BAIAP2: variants seen among roughly 807,000 people sequenced by gnomAD.
The protein encoded by BAIAP2 is BAR/IMD domain containing adaptor protein 2.
Under a neutral mutation model 63.0 loss-of-function variants are expected in BAIAP2, and 18 were observed. The observed-to-expected ratio is 0.29, with a 90% CI of 0.20 to 0.42. BAIAP2 has a LOEUF of 0.42. Among genes scored for constraint, BAIAP2 ranks in the 10% least tolerant of loss-of-function variants. The pLI is 1.00. For synonymous variants in BAIAP2, 386 were observed against 307.6 expected, an observed-to-expected ratio of 1.25 and a Z score of -2.67; for missense variants, 610 against 734.3, an observed-to-expected ratio of 0.83 and a Z score of 1.96.
rs1257554280 is a variant in BAIAP2, at chr17:81,036,930, G to A, written c.54+1622G>A. On this transcript the variant is annotated intron_variant, in intron 1 of 13. Coordinates refer to ENST00000428708, the MANE Select transcript of BAIAP2 (RefSeq NM_001144888.2). ...TCTCCTTCTGCGCTGAAACCAGAAA[G>A]CAGGAACTTTCGTGGTGAGAGTTGG... The A allele has an allele frequency of 5.2e-6, 8 of 1,535,944 alleles. No individual in the cohort carries two copies. The South Asian group carries it at 7.1e-5, about 14-fold the overall frequency.
At chr17:81,069,618 A>T (rs2052194535) in intron 3 of BAIAP2, among the ~76,000 whole-genome samples, 1 of 152,146 alleles carries the variant, frequency 6.6e-6, no homozygotes, top group Admixed American at 6.5e-5. Context: ...CGGGAGGTGT[A>T]GTCTGCGAGG....
At chr17:81,082,079 C>T (rs1407034856) in intron 3 of BAIAP2, among the ~76,000 whole-genome samples, 2 of 152,110 alleles carry the variant, frequency 1.3e-5, no homozygotes, top group East Asian at 1.9e-4. Context: ...CCGGGGCCAG[C>T]GTGGTCCTGG....
intron 3 of BAIAP2, among the ~76,000 whole-genome samples, chr17:81,075,188 C>G (rs998352532): frequency 8.5e-5 from 13 of 152,214 alleles, no homozygotes; most frequent in Admixed American, 7.2e-4. Context: ...GGGGAAACTT[C>G]CTGGTGCCTG....
rs2047818192 is a variant in BAIAP2, at chr17:81,046,446, C to T, written c.55-7222C>T. On this transcript the variant is annotated intron_variant, in intron 1 of 13. Transcript: ENST00000428708. This position sits in a 1 kb window ranked among gnomAD's most constrained non-coding sequence, Gnocchi z 4.5. The stretch of plus-strand genomic sequence containing the variant: ...AAGTGTTTAGAGGGGACAGGACTGT[C>T]CACACCACTCCAGCCAGGCTTCCTT... 6.6e-6 allele frequency among the ~76,000 whole-genome samples: 1 copy of T among 152,128 alleles called. No individual in the cohort carries two copies. Among genetic ancestry groups the T allele is most frequent in the South Asian group, 2.1e-4 (1 of 4,824 alleles).
intron 1 of BAIAP2, among the ~76,000 whole-genome samples, chr17:81,052,183 G>A (rs547417021): frequency 6.6e-6 from 1 of 152,282 alleles, no homozygotes; most frequent in East Asian, 1.9e-4. Context: ...CGGGGCCTTT[G>A]CCCTGCCCTG....
chr17:81,101,127 C>T (rs1027287701), intron 7 of BAIAP2, among the ~76,000 whole-genome samples: 2 of 151,948 alleles, frequency 1.3e-5, no homozygotes, highest in South Asian at 2.1e-4. Flanking sequence ...TCCCGCTAGG[C>T]GTCCCCCAGC....
At chr17:81,106,692 G>A (rs546014220) in intron 11 of BAIAP2, 53 bp from the exon 12 acceptor site, 2 of 1,605,894 alleles carry the variant, frequency 1.2e-6, no homozygotes, top group Admixed American at 1.7e-5. Flanking sequence ...AGGGTTGTGG[G>A]GTGTTGGGGG....
chr17:81,075,677 C>T (rs2053542941), intron 3 of BAIAP2, among the ~76,000 whole-genome samples: 2 of 152,346 alleles, frequency 1.3e-5, no homozygotes, highest in African/African-American at 2.4e-5. Flanking sequence ...GCCTTTAACC[C>T]TTTCAGTGCT....
chr17:81,116,282 GC>G lies in BAIAP2; in HGVS notation c.*446del. The G allele has an allele frequency of 6.2e-7, 1 of 1,612,848 alleles. No homozygotes were observed. Among genetic ancestry groups the G allele is most frequent in the Non-Finnish European group, 8.5e-7 (1 of 1,179,918 alleles). Reference sequence around the variant, plus strand: ...AGGCCGGGAGCACGGGGATGGGAGCGCCCGCACCCTGGCTGGAAGATGAACT... The same window carrying G: ...AGGCCGGGAGCACGGGGATGGGAGCGCCGCACCCTGGCTGGAAGATGAACT... On this transcript the variant is annotated 3_prime_UTR_variant, in exon 14 of 14. Coordinates refer to ENST00000428708, the MANE Select transcript of BAIAP2 (RefSeq NM_001144888.2).
chr17:81,084,382 T>C (rs1457565279), intron 3 of BAIAP2, among the ~76,000 whole-genome samples: 1 of 152,068 alleles, frequency 6.6e-6, no homozygotes, highest in Non-Finnish European at 1.5e-5. Flanking sequence ...TGCCCATGGG[T>C]GTCCCCCAGA....
chr17:81,074,805 C>T (rs745967290), intron 3 of BAIAP2, among the ~76,000 whole-genome samples: 3 of 152,210 alleles, frequency 2.0e-5, no homozygotes, highest in Non-Finnish European at 4.4e-5. Flanking sequence ...TGTACGGATG[C>T]GTGTGAGTGC....
chr17:81,095,380 G>C (rs1382076297), intron 6 of BAIAP2, among the ~76,000 whole-genome samples: 1 of 152,196 alleles, frequency 6.6e-6, no homozygotes, highest in Non-Finnish European at 1.5e-5. Context: ...GGGCCCTGCA[G>C]TGCTGGCCGC....
intron 5 of BAIAP2, 80 bp downstream of exon 5, chr17:81,085,805 C>T (rs930745614): frequency 4.5e-5 from 51 of 1,127,182 alleles, no homozygotes; most frequent in Admixed American, 2.9e-4. Context: ...CCTTCCTCGG[C>T]CTGAAGGCTT....
intron 13 of BAIAP2, among the ~76,000 whole-genome samples, chr17:81,112,251 G>A (rs1286106150): frequency 6.6e-6 from 1 of 152,220 alleles, no homozygotes. Context: ...GATGAGGCTG[G>A]CACAGCCTCT....
Position 81,101,921 on chromosome 17 carries a change from C to T in BAIAP2, c.643-1581C>T, listed in dbSNP as rs535182010. ...CCGCCTGCTAGACCCAGGACAGTGG[C>T]GGGCGTCTGCGCCCTCTGGCGGGGG... On this transcript the variant is annotated intron_variant, in intron 7 of 13. Transcript: ENST00000428708. Among the ~76,000 whole-genome samples the T allele has an allele frequency of 5.3e-5, 8 of 152,364 alleles. No homozygotes were observed. In the South Asian group the frequency reaches 1.0e-3, roughly 20 times the overall value.
chr17:81,039,104 C>T (rs868020135), intron 1 of BAIAP2, among the ~76,000 whole-genome samples: 2 of 152,248 alleles, frequency 1.3e-5, no homozygotes, highest in African/African-American at 2.4e-5. Flanking sequence ...GTAGACCTGG[C>T]CTGCATTTTC....
chr17:81,108,785 C>T, intron 13 of BAIAP2: 6 of 1,052,556 alleles, frequency 5.7e-6, no homozygotes, highest in Non-Finnish European at 8.0e-6. Flanking sequence ...GGCTGGCATC[C>T]ATGGCTGGGG....
At chr17:81,096,498 G>A (rs1212578771) in intron 6 of BAIAP2, among the ~76,000 whole-genome samples, 1 of 152,270 alleles carries the variant, frequency 6.6e-6, no homozygotes, top group East Asian at 1.9e-4. Context: ...TGCGGGAGGA[G>A]CGGGGCAGGA....
chr17:81,092,353 G>A (rs1016984890), intron 6 of BAIAP2, among the ~76,000 whole-genome samples: 3 of 152,236 alleles, frequency 2.0e-5, no homozygotes, highest in African/African-American at 2.4e-5. Flanking sequence ...GTGTGGCAGC[G>A]GCCAGGCCTT....
Sources: gnomAD v4.1 joint callset for allele counts (sites outside exome capture counted in the v4.1 genomes callset) on GRCh38, gnomAD v4.1.1 for gene constraint, Gnocchi (gnomAD v3.1) non-coding constraint, MANE v1.5 for transcripts, NCBI Gene and HGNC (gene_info 2026-07-23, HGNC 2026-07-21) for gene names.